The following RETREG1 variants were observed in gnomAD, a reference collection of about 807,000 sequenced individuals.
The protein encoded by RETREG1 is family with sequence similarity 134 member B.
A neutral mutation model predicts 54.8 loss-of-function variants in RETREG1; 44 were observed. The ratio of observed to expected loss-of-function variants is 0.80; its 90% confidence interval spans 0.63 to 1.03. RETREG1 has a LOEUF of 1.03. Among genes scored for constraint, RETREG1 ranks in the 50% least tolerant of loss-of-function variants. RETREG1 has a pLI of 0.00. For synonymous variants in RETREG1, 217 were observed against 238.5 expected, an observed-to-expected ratio of 0.91 and a Z score of 0.83; for missense variants, 554 against 605.1, an observed-to-expected ratio of 0.92 and a Z score of 0.89.
chr5:16,560,938 C>T (rs577903795), intron 3 of RETREG1, among the ~76,000 whole-genome samples: 20 of 152,108 alleles, frequency 1.3e-4, no homozygotes, highest in Non-Finnish European at 2.4e-4. Context: ...GTGGCCACAC[C>T]GAGGAAAGTA....
rs986952222 is a variant in RETREG1, at chr5:16,594,921, C to A, written c.320+21731G>T. On this transcript the variant is annotated intron_variant, in intron 1 of 8. Coordinates refer to ENST00000306320, the MANE Select transcript of RETREG1 (RefSeq NM_001034850.3). The surrounding 1 kb of genome is among the most constrained non-coding windows in gnomAD (Gnocchi z 4.4). ...GGAAGACATACATTCATTTCTAAAA[C>A]AATGAAGAAAGAGATGAAGTAAGGT... Among the ~76,000 whole-genome samples, 2 of 152,172 alleles carry A rather than the reference C, an allele frequency of 1.3e-5. No individual in the cohort carries two copies.
intron 3 of RETREG1, among the ~76,000 whole-genome samples, chr5:16,551,952 GTC>G (rs926950528): frequency 6.6e-6 from 1 of 152,176 alleles, no homozygotes; most frequent in Non-Finnish European, 1.5e-5. Context: ...GCCTCGCATT[GTC>G]TCTCTTTGAC....
At chr5:16,517,757 A>G (rs1361425914) in intron 3 of RETREG1, among the ~76,000 whole-genome samples, 1 of 152,206 alleles carries the variant, frequency 6.6e-6, no homozygotes, top group Non-Finnish European at 1.5e-5. Context: ...AATTACATGC[A>G]TATACATTTA....
At chr5:16,522,896 T>C (rs1740582624) in intron 3 of RETREG1, among the ~76,000 whole-genome samples, 1 of 151,996 alleles carries the variant, frequency 6.6e-6, no homozygotes, top group Admixed American at 6.6e-5. Context: ...GTCCCAGCTA[T>C]TCAGGAGGCT....
intron 3 of RETREG1, among the ~76,000 whole-genome samples, chr5:16,564,377 A>T (rs982167875): frequency 2.6e-5 from 4 of 152,176 alleles, no homozygotes; most frequent in Non-Finnish European, 5.9e-5. Flanking sequence ...TATTTAAATG[A>T]TTTCCCTAAA....
At chr5:16,511,624 C>G (rs1403700360) in intron 3 of RETREG1, among the ~76,000 whole-genome samples, 1 of 152,104 alleles carries the variant, frequency 6.6e-6, no homozygotes, top group African/African-American at 2.4e-5. Flanking sequence ...TTCACAGGAA[C>G]AAGGATGGTG....
intron 1 of RETREG1, among the ~76,000 whole-genome samples, chr5:16,582,855 C>G (rs1388119275): frequency 8.5e-5 from 13 of 152,200 alleles, no homozygotes; most frequent in Admixed American, 8.5e-4. Context: ...AAATGACGGG[C>G]TGTCAAAATA....
In RETREG1 at chr5:16,474,446, T is replaced by C. The variant is rs577904012; in HGVS notation, c.*295A>G. The C allele has an allele frequency of 3.2e-6, 1 of 313,448 alleles. No homozygotes were observed. The highest frequency in any genetic ancestry group is 2.2e-5 in the African/African-American group (1 of 45,706). 19.4% of individuals were successfully genotyped at this position (313,448 alleles called of 1,614,324 possible). On this transcript the variant is annotated 3_prime_UTR_variant, in exon 9 of 9. Coordinates refer to ENST00000306320, the MANE Select transcript of RETREG1 (RefSeq NM_001034850.3). ...ATAGGAGGATTTTAATAGTTTGGTT[T>C]TTGTTTTTTTCTTTTTGCTTTAAAA...
Position 16,585,657 on chromosome 5 carries a change from T to C in RETREG1, c.321-13555A>G, listed in dbSNP as rs1318579684. 6.6e-6 allele frequency among the ~76,000 whole-genome samples: 1 copy of C among 152,122 alleles called. No individual in the cohort carries two copies. Among genetic ancestry groups the C allele is most frequent in the East Asian group, 1.9e-4 (1 of 5,202 alleles). On this transcript the variant is annotated intron_variant, in intron 1 of 8. Transcript: ENST00000306320. The surrounding 1 kb of genome is among the most constrained non-coding windows in gnomAD (Gnocchi z 4.5). ...ATTGCCCTAAAGAAATACCTGAGAC[T>C]GGGTAATTTATAAAGAAAAGAGATT...
intron 3 of RETREG1, among the ~76,000 whole-genome samples, chr5:16,548,165 T>C (rs140045396): frequency 2.7e-4 from 41 of 152,340 alleles, no homozygotes; most frequent in African/African-American, 9.9e-4. Flanking sequence ...ATAAGACTCA[T>C]TTCTTTACTC....
At chr5:16,600,638 G>A (rs935065227) in intron 1 of RETREG1, among the ~76,000 whole-genome samples, 4 of 151,480 alleles carry the variant, frequency 2.6e-5, no homozygotes, top group African/African-American at 4.8e-5. Context: ...CACAGTGAAC[G>A]CTGTGAAGTG....
chr5:16,569,001 T>C (rs1044791803), intron 2 of RETREG1, among the ~76,000 whole-genome samples: 1 of 152,140 alleles, frequency 6.6e-6, no homozygotes, highest in African/African-American at 2.4e-5. Flanking sequence ...AGCCGGGGCA[T>C]CTAACAAGAG....
At chr5:16,586,734 C>T (rs977087182) in intron 1 of RETREG1, among the ~76,000 whole-genome samples, 1 of 152,192 alleles carries the variant, frequency 6.6e-6, no homozygotes, top group Non-Finnish European at 1.5e-5. Flanking sequence ...CACACATAAA[C>T]ACATGCACAT....
intron 1 of RETREG1, among the ~76,000 whole-genome samples, chr5:16,598,943 TGAGGTGGGAGGATCACTTGA>T (rs1270515552): frequency 2.0e-5 from 3 of 152,330 alleles, no homozygotes; most frequent in South Asian, 2.1e-4. Context: ...TTTGGGAAGC[TGAGGTGGGAGGATCACTTGA>T]GAGGTGGGAG....
chr5:16,583,589 TGA>T (rs1371283324), intron 1 of RETREG1, among the ~76,000 whole-genome samples: 1 of 152,164 alleles, frequency 6.6e-6, no homozygotes, highest in Admixed American at 6.5e-5. Flanking sequence ...TACTCCATGA[TGA>T]GTTTTGCAAG....
Position 16,594,387 on chromosome 5 carries a change from A to T in RETREG1, c.320+22265T>A, listed in dbSNP as rs1742846438. Among the ~76,000 whole-genome samples, 1 of 152,226 alleles carries T rather than the reference A, an allele frequency of 6.6e-6. No homozygotes were observed. Among genetic ancestry groups the T allele is most frequent in the African/African-American group, 2.4e-5 (1 of 41,456 alleles). ...GAAATGTCATTGTTAAATATCTTTA[A>T]ATATGTAGACAACTTTTATAAGAAA... On this transcript the variant is annotated intron_variant, in intron 1 of 8. Coordinates refer to ENST00000306320, the MANE Select transcript of RETREG1 (RefSeq NM_001034850.3). This position sits in a 1 kb window ranked among gnomAD's most constrained non-coding sequence, Gnocchi z 4.4.
chr5:16,475,458 T>A (rs1326558859), intron 8 of RETREG1, among the ~76,000 whole-genome samples: 1 of 152,164 alleles, frequency 6.6e-6, no homozygotes, highest in East Asian at 1.9e-4. Flanking sequence ...CTCTCCATAT[T>A]TAGCTTTCCT....
chr5:16,542,280 CA>C (rs1741272589), intron 3 of RETREG1, among the ~76,000 whole-genome samples: 1 of 152,210 alleles, frequency 6.6e-6, no homozygotes. Flanking sequence ...TAAGGAAAAA[CA>C]AACAAAAACA....
intron 3 of RETREG1, among the ~76,000 whole-genome samples, chr5:16,524,091 T>A (rs1437306052): frequency 6.6e-6 from 1 of 152,178 alleles, no homozygotes; most frequent in Non-Finnish European, 1.5e-5. Flanking sequence ...TCAAAGATGA[T>A]GGCACTTCCT....
Sources: allele counts gnomAD v4.1 joint callset (sites outside exome capture counted in the v4.1 genomes callset), GRCh38; gene constraint gnomAD v4.1.1; non-coding constraint Gnocchi (gnomAD v3.1); transcripts MANE v1.5; gene names NCBI Gene and HGNC (gene_info 2026-07-23, HGNC 2026-07-21).